ETF1: variants seen among roughly 807,000 people sequenced by gnomAD.
ETF1 encodes eukaryotic translation termination factor 1, also known as eukaryotic peptide chain release factor subunit 1.
A neutral mutation model predicts 55.1 loss-of-function variants in ETF1; 4 were observed. The ratio of observed to expected loss-of-function variants is 0.07; its 90% CI spans 0.04 to 0.17. The LOEUF (loss-of-function observed/expected upper bound fraction) is 0.17. Ranked by LOEUF, ETF1 falls within the 10% of genes least tolerant of loss-of-function variation. The pLI is 1.00. For synonymous variants in ETF1, 157 were observed against 182.3 expected, an observed-to-expected ratio of 0.86 and a Z score of 1.12; for missense variants, 142 against 523.6, an observed-to-expected ratio of 0.27 and a Z score of 7.11.
rs778216543 is a variant in ETF1, at chr5:138,508,373, G to C, written c.1246C>G (p.Arg416Gly). Residue 416 changes from arginine to glycine, a missense_variant, in exon 11 of 11, where the codon CGA (arginine) becomes GGA (glycine). By Grantham distance (125) the Arg-to-Gly change is moderately radical. Coordinates refer to ENST00000360541, the MANE Select transcript of ETF1 (RefSeq NM_004730.4). ...FGGIGGILRY[R>G]VDFQGMEYQG... ...TATTCCATTCCCTGGAAATCTACTC[G>C]GTACCGCAAGATACCTGGGGAAACA... 3 of 1,613,762 alleles carry C rather than the reference G, an allele frequency of 1.9e-6. No individual in the cohort carries two copies. Among genetic ancestry groups the C allele is most frequent in the Non-Finnish European group, 2.5e-6 (3 of 1,179,946 alleles).
intron 2 of ETF1, among the ~76,000 whole-genome samples, chr5:138,529,243 C>G (rs987638073): frequency 6.6e-6 from 1 of 152,130 alleles, no homozygotes; most frequent in South Asian, 2.1e-4. Flanking sequence ...CATTCATTTA[C>G]CCTCACTCCT....
intron 2 of ETF1, among the ~76,000 whole-genome samples, chr5:138,521,240 G>C (rs968867009): frequency 1.3e-5 from 2 of 152,172 alleles, no homozygotes; most frequent in African/African-American, 4.8e-5. Flanking sequence ...GACAAATACT[G>C]TATGATTCTG....
At chr5:138,509,504 G>A (rs1446321827) in intron 9 of ETF1, among the ~76,000 whole-genome samples, 1 of 152,160 alleles carries the variant, frequency 6.6e-6, no homozygotes, top group Admixed American at 6.5e-5. Context: ...GGTCACGTCT[G>A]TAATCTCACC....
intron 2 of ETF1, among the ~76,000 whole-genome samples, chr5:138,539,475 G>C (rs936505183): frequency 6.6e-6 from 1 of 152,172 alleles, no homozygotes; most frequent in Non-Finnish European, 1.5e-5. Context: ...GCATATACCA[G>C]GAGCAATCAT....
chr5:138,508,210 G>A lies in ETF1; in HGVS notation c.*95C>T. On this transcript the variant is annotated 3_prime_UTR_variant, in exon 11 of 11. Transcript: ENST00000360541. ...ATTAAGTTCTGGAAATGTTCCAATT[G>A]TAAGGCAGGGATCTGTTTGGATTCC... is the stretch of plus-strand genomic sequence containing the variant. The A allele has an allele frequency of 6.5e-6, 9 of 1,375,284 alleles. No homozygotes were observed. The highest frequency in any genetic ancestry group is 1.4e-5 in the South Asian group (1 of 71,938). 85.2% of individuals were successfully genotyped at this position (1,375,284 alleles called of 1,614,324 possible).
At chr5:138,509,550 C>T (rs562307718) in intron 9 of ETF1, among the ~76,000 whole-genome samples, 7 of 151,998 alleles carry the variant, frequency 4.6e-5, no homozygotes, top group South Asian at 2.1e-4. Context: ...TCACTTGGGC[C>T]CAGGAGTTCA....
In ETF1 at chr5:138,512,535, A is replaced by G. The variant is rs184142718; in HGVS notation, c.732+229T>C. Among the ~76,000 whole-genome samples, 611 of 152,172 alleles carry G rather than the reference A, an allele frequency of 4.0e-3. 4 individuals carry two copies. Among genetic ancestry groups the G allele is most frequent in the South Asian group, 0.035 (171 of 4,820 alleles). On this transcript the variant is annotated intron_variant, in intron 6 of 10. Coordinates refer to ENST00000360541, the MANE Select transcript of ETF1 (RefSeq NM_004730.4). The stretch of plus-strand genomic sequence containing the variant: ...ACCCAACTAAACAAGGAACCTCCAC[A>G]GGATCCATAAGAAGCCCACCTAAAA...
At chr5:138,529,531 T>C in intron 2 of ETF1, 1 of 939,184 alleles carries the variant, frequency 1.1e-6, no homozygotes, top group Middle Eastern at 5.4e-4. Context: ...TTGTAAAAAC[T>C]GGGCAAAACA....
chr5:138,512,259 T>TATATATTATTTTATATATATATA (rs57032066), intron 6 of ETF1, among the ~76,000 whole-genome samples: 1 of 15,796 alleles, frequency 6.3e-5, no homozygotes, highest in African/African-American at 2.9e-4. Context: ...TATATATATA[T>TATATATTATTTTATATATATATA]TTTTTTTTTT....
chr5:138,528,103 TA>T (rs1428484792), intron 2 of ETF1, among the ~76,000 whole-genome samples: 2 of 152,152 alleles, frequency 1.3e-5, no homozygotes, highest in Non-Finnish European at 2.9e-5. Flanking sequence ...GTTGGTTTTT[TA>T]AAAAGCCGAC....
intron 4 of ETF1, among the ~76,000 whole-genome samples, 173 bp downstream of exon 4, chr5:138,517,388 T>A (rs542421493): frequency 6.7e-5 from 10 of 150,056 alleles, no homozygotes; most frequent in East Asian, 3.9e-4. Flanking sequence ...AATAAAAAAA[T>A]AAAAATAAAA....
At position 138,511,621 on chromosome 5, in the gene ETF1, ATAT is replaced by A. The variant is rs1266929269; in HGVS notation, c.733-20_733-18del. ...TTGTAACCTCTAACACACAAAAAAA[ATAT>A]TATTAGTACTTACTGGTACTTATTT... On this transcript the variant is annotated intron_variant, in intron 6 of 10. Coordinates refer to ENST00000360541, the MANE Select transcript of ETF1 (RefSeq NM_004730.4). The A allele has an allele frequency of 3.8e-6, 6 of 1,590,688 alleles. No individual in the cohort carries two copies. Among genetic ancestry groups the A allele is most frequent in the African/African-American group, 2.7e-5 (2 of 73,860 alleles).
At chr5:138,533,027 C>T (rs960542673) in intron 2 of ETF1, among the ~76,000 whole-genome samples, 1 of 152,026 alleles carries the variant, frequency 6.6e-6, no homozygotes, top group African/African-American at 2.4e-5. Flanking sequence ...GCAACCTCCG[C>T]CTCCCGGGTT....
chr5:138,521,484 G>T (rs187624331), intron 2 of ETF1, among the ~76,000 whole-genome samples: 14 of 151,962 alleles, frequency 9.2e-5, no homozygotes, highest in Non-Finnish European at 1.6e-4. Flanking sequence ...TTTTTACAAC[G>T]AAAAAAATTC....
chr5:138,542,842 G>T lies in ETF1; in HGVS notation c.77C>A (p.Ala26Glu). Residue 26 changes from alanine to glutamate, a missense_variant, in exon 2 of 11, where the codon GCG becomes GAG. Ala to Glu is a moderately radical substitution (Grantham distance 107). This residue lies in a region of ETF1 where 11 missense variants were observed against 92.7 expected (regional missense o/e 0.12). Coordinates refer to ENST00000360541, the MANE Select transcript of ETF1 (RefSeq NM_004730.4). ...KIKKLIKSLE[A>E]ARGNGTSMIS... Reference sequence around the variant, plus strand: ...CGGACGCGGCGCTCACCCGCGGGCCGCCTCCAAGCTCTTAATGAGCTTCTT... The same window carrying T: ...CGGACGCGGCGCTCACCCGCGGGCCTCCTCCAAGCTCTTAATGAGCTTCTT... 1 of 1,612,906 alleles carries T rather than the reference G, an allele frequency of 6.2e-7. No homozygotes were observed. Among genetic ancestry groups the T allele is most frequent in the South Asian group, 1.1e-5 (1 of 91,050 alleles).
Position 138,511,210 on chromosome 5 carries a change from G to C in ETF1, c.863-10C>G, listed in dbSNP as rs1449810901. On this transcript the variant is annotated splice_polypyrimidine_tract_variant and intron_variant, in intron 7 of 10. Transcript: ENST00000360541. ...TCATCAAAGTATCGTCCTACGATTA[G>C]GGATCAGTCAACAGGATATATATTA... 4.4e-5 allele frequency: 71 copies of C among 1,613,718 alleles called. No individual in the cohort carries two copies. Among genetic ancestry groups the C allele is most frequent in the Non-Finnish European group, 5.8e-5 (69 of 1,179,938 alleles).
At position 138,542,825 on chromosome 5, in the gene ETF1, G is replaced by A; in HGVS notation, c.86+8C>T. 1.9e-6 allele frequency: 3 copies of A among 1,612,152 alleles called. No individual in the cohort carries two copies. The highest frequency in any genetic ancestry group is 2.5e-6 in the Non-Finnish European group (3 of 1,179,664). On this transcript the variant is annotated splice_region_variant and intron_variant, in intron 2 of 10. Transcript: ENST00000360541. ...GAGGGCACGGAGGGTGCCGGACGCG[G>A]CGCTCACCCGCGGGCCGCCTCCAAG...
chr5:138,511,576 A>C lies in ETF1; in HGVS notation c.761T>G (p.Val254Gly). ...ATTTTCACCACCATAGGATATATCA[A>C]CTAATTTTAAAACTTTTGATTGTAA... Reference protein sequence around the residue: ...QRLQSKVLKLVDISYGGENGF... With the variant: ...QRLQSKVLKLGDISYGGENGF... Residue 254 changes from valine to glycine, a missense_variant, in exon 7 of 11, where the codon GTT becomes GGT. By Grantham distance (109) the Val-to-Gly change is moderately radical (BLOSUM62 -3). Around this residue, in one of 5 missense-constraint regions of ETF1, gnomAD observed 82 missense variants for 232.9 expected, o/e 0.35. Transcript: ENST00000360541. 1 of 1,610,780 alleles carries C rather than the reference A, an allele frequency of 6.2e-7. No homozygotes were observed.
At chr5:138,524,022 C>G (rs926853333) in intron 2 of ETF1, among the ~76,000 whole-genome samples, 1 of 151,990 alleles carries the variant, frequency 6.6e-6, no homozygotes, top group Non-Finnish European at 1.5e-5. Flanking sequence ...ACTAAAAATA[C>G]AAAAAGTTGC....
Sources: gnomAD v4.1 joint callset for allele counts (sites outside exome capture counted in the v4.1 genomes callset) on GRCh38, gnomAD v4.1.1 for gene constraint, gnomAD v4.1.1 regional missense constraint, MANE v1.5 for transcripts, NCBI Gene and HGNC (gene_info 2026-07-23, HGNC 2026-07-21) for gene names.